The following ANKRD30BL variants were observed in gnomAD, a reference collection of about 807,000 sequenced individuals.
ANKRD30BL encodes the protein ankyrin repeat domain 30B like, also known as putative ankyrin repeat domain-containing protein 30B-like.
A neutral mutation model predicts 18.4 loss-of-function variants in ANKRD30BL; 20 were observed. That is an observed-to-expected ratio of 1.09 (90% CI 0.77 to 1.58). The LOEUF (loss-of-function observed/expected upper bound fraction) is 1.58. ANKRD30BL is among the 40% of genes most tolerant of loss of function. The pLI is 0.00. For missense variants in ANKRD30BL, 224 were observed against 268.6 expected, an observed-to-expected ratio of 0.83 and a Z score of 1.16; for synonymous variants, 72 against 100.9, an observed-to-expected ratio of 0.71 and a Z score of 1.72.
upstream of ANKRD30BL, among the ~76,000 whole-genome samples, chr2:132,165,764 A>AAT: frequency 7.2e-6 from 1 of 138,646 alleles, no homozygotes. Flanking sequence ...TATATGTAAG[A>AAT]CTTTTTTTTT....
intron 1 of ANKRD30BL, among the ~76,000 whole-genome samples, chr2:132,224,899 A>G (rs111871629): frequency 6.6e-6 from 1 of 151,896 alleles, no homozygotes; most frequent in East Asian, 1.9e-4. Flanking sequence ...CTTTTCATAG[A>G]GCAGGTTTGA....
chr2:132,186,702 T>C (rs564518605), intron 1 of ANKRD30BL, among the ~76,000 whole-genome samples: 1 of 152,220 alleles, frequency 6.6e-6, no homozygotes, highest in African/African-American at 2.4e-5. Context: ...TTTTATTTTC[T>C]CACACATACT....
At position 132,161,712 on chromosome 2, in the gene ANKRD30BL, A is replaced by C. The variant is rs753324624; in HGVS notation, c.-7T>G. On this transcript the variant is annotated 5_prime_UTR_variant, in exon 1 of 6. Transcript: ENST00000409867. ...CGGCAGAGAGCCTCTCCATGGCTGC[A>C]GCCACCTGCTAGAGAGAGCCCGTGC... 1.5e-6 allele frequency: 2 copies of C among 1,365,788 alleles called. No homozygotes were observed. Among genetic ancestry groups the C allele is most frequent in the South Asian group, 2.5e-5 (2 of 80,216 alleles). 84.6% of individuals were successfully genotyped at this position (1,365,788 alleles called of 1,614,324 possible).
intron 1 of ANKRD30BL, among the ~76,000 whole-genome samples, chr2:132,234,631 A>G (rs1341249672): frequency 6.6e-6 from 1 of 152,170 alleles, no homozygotes; most frequent in African/African-American, 2.4e-5. Flanking sequence ...CCCAAGACTA[A>G]AACAGGAAGG....
intron 1 of ANKRD30BL, among the ~76,000 whole-genome samples, chr2:132,256,584 C>T (rs1406133336): frequency 6.6e-6 from 1 of 152,232 alleles, no homozygotes; most frequent in African/African-American, 2.4e-5. Context: ...CTCGCGGCAC[C>T]TGGAGCGGCC....
chr2:132,155,490 A>T (rs1687877498), intron 3 of ANKRD30BL: 1 of 152,302 alleles, frequency 6.6e-6, no homozygotes. Context: ...TCACTAAGGA[A>T]GTGGCTCTAA....
intron 1 of ANKRD30BL, among the ~76,000 whole-genome samples, chr2:132,231,531 C>G (rs747529587): frequency 9.9e-5 from 15 of 152,198 alleles, no homozygotes; most frequent in Non-Finnish European, 2.2e-4. Flanking sequence ...ACTTGGGAAG[C>G]ACAAGGGGTC....
intron 1 of ANKRD30BL, among the ~76,000 whole-genome samples, chr2:132,160,440 T>TTTA (rs1026978182): frequency 2.1e-5 from 3 of 141,320 alleles, no homozygotes; most frequent in Admixed American, 1.5e-4. Flanking sequence ...TATTTATTTA[T>TTTA]TTATTATTAT....
At chr2:132,221,617 C>T (rs562787341) in intron 1 of ANKRD30BL, among the ~76,000 whole-genome samples, 1 of 128,900 alleles carries the variant, frequency 7.8e-6, no homozygotes, top group South Asian at 2.4e-4. Flanking sequence ...CCCCGCCCGG[C>T]CAGCCGCCCA....
intron 1 of ANKRD30BL, among the ~76,000 whole-genome samples, chr2:132,211,817 T>G (rs1388544736): frequency 7.2e-5 from 11 of 152,084 alleles, no homozygotes; most frequent in Admixed American, 1.3e-4. Context: ...GAACCTTTCT[T>G]TTCATTGAGC....
chr2:132,197,258 A>G (rs1373411480), intron 1 of ANKRD30BL, among the ~76,000 whole-genome samples: 1 of 152,240 alleles, frequency 6.6e-6, no homozygotes, highest in African/African-American at 2.4e-5. Flanking sequence ...ATATCCAGAC[A>G]CATTGAGGAC....
intron 1 of ANKRD30BL, among the ~76,000 whole-genome samples, chr2:132,215,086 T>G (rs1042694565): frequency 2.0e-5 from 3 of 151,968 alleles, no homozygotes; most frequent in Non-Finnish European, 4.4e-5. Context: ...GAGTTGAACC[T>G]TTGTTTTCAT....
chr2:132,152,908 A>G (rs1266621808), intron 4 of ANKRD30BL, among the ~76,000 whole-genome samples: 4 of 152,222 alleles, frequency 2.6e-5, no homozygotes. Context: ...GGCTAAAGCT[A>G]AAAGTTCTAG....
In ANKRD30BL at chr2:132,232,278, G is replaced by A. The variant is rs186068773; in HGVS notation, n.441+25251C>T. Among the ~76,000 whole-genome samples the A allele has an allele frequency of 8.2e-3, 1,251 of 152,246 alleles. 14 individuals carry two copies. Among genetic ancestry groups the A allele is most frequent in the African/African-American group, 0.028 (1,161 of 41,534 alleles). Reference sequence around the variant, plus strand: ...CTGGAAACTCTAAAATGCAGAACACGTCTCCTCCTCCAAAGGAACGCAGTT... The same window carrying A: ...CTGGAAACTCTAAAATGCAGAACACATCTCCTCCTCCAAAGGAACGCAGTT... On this transcript the variant is annotated intron_variant and non_coding_transcript_variant, in intron 1 of 4. Transcript: ENST00000470729.
intron 1 of ANKRD30BL, among the ~76,000 whole-genome samples, chr2:132,246,185 A>G (rs1182236173): frequency 1.3e-5 from 2 of 151,830 alleles, no homozygotes; most frequent in Non-Finnish European, 2.9e-5. Flanking sequence ...CTTTCATTCA[A>G]CTCACTGAGT....
intron 1 of ANKRD30BL, among the ~76,000 whole-genome samples, chr2:132,187,542 T>C (rs1688590036): frequency 6.6e-6 from 1 of 151,912 alleles, no homozygotes; most frequent in South Asian, 2.1e-4. Context: ...TCTCGATCTC[T>C]TAACCTCGTG....
chr2:132,171,052 A>C (rs1363555345), intron 1 of ANKRD30BL, among the ~76,000 whole-genome samples: 1 of 151,276 alleles, frequency 6.6e-6, no homozygotes, highest in East Asian at 2.0e-4. Context: ...GCTACTCCGG[A>C]GGCTGAGGCA....
At chr2:132,202,225 G>C (rs1266652799) in intron 1 of ANKRD30BL, among the ~76,000 whole-genome samples, 1 of 151,972 alleles carries the variant, frequency 6.6e-6, no homozygotes, top group Non-Finnish European at 1.5e-5. Context: ...GCACCAGCAT[G>C]GCACATGTAT....
intron 1 of ANKRD30BL, among the ~76,000 whole-genome samples, chr2:132,252,316 G>A (rs1363709388): frequency 2.0e-5 from 3 of 152,246 alleles, no homozygotes; most frequent in Non-Finnish European, 2.9e-5. Context: ...GGACGGGTCC[G>A]AGGATGCAGC....
Sources: allele counts gnomAD v4.1 joint callset (sites outside exome capture counted in the v4.1 genomes callset), GRCh38; gene constraint gnomAD v4.1.1; transcripts MANE v1.5; gene names NCBI Gene and HGNC (gene_info 2026-07-23, HGNC 2026-07-21).